Variants in CUX1 observed in about 807,000 individuals in gnomAD.
CUX1 encodes protein CASP.
CUX1 carries 31 observed loss-of-function variants against 158.8 expected under a neutral mutation model. That is an observed-to-expected ratio of 0.20 (90% CI 0.15 to 0.26). The LOEUF (loss-of-function observed/expected upper bound fraction) is 0.26, where lower values mean the gene tolerates loss of function less well. Among genes scored for constraint, CUX1 ranks in the 10% least tolerant of loss-of-function variants. The probability of loss-of-function intolerance (pLI) is 1.00; values close to 1 mark genes in which losing one functional copy is unlikely to be tolerated. For missense variants in CUX1, 1,589 were observed against 2,014.6 expected (o/e 0.79, Z 4.04); for synonymous variants, 879 against 862.1 (o/e 1.02, Z -0.34).
chr7:101,879,974 C>T (rs1201101535), intron 1 of CUX1, among the ~76,000 whole-genome samples: 3 of 152,112 alleles, frequency 2.0e-5, no homozygotes, highest in African/African-American at 4.8e-5. Flanking sequence ...GGGTCTGTGG[C>T]AGAGAAAGGT....
chr7:102,039,032 C>T (rs1463044505), intron 3 of CUX1, among the ~76,000 whole-genome samples: 1 of 152,114 alleles, frequency 6.6e-6, no homozygotes, highest in Non-Finnish European at 1.5e-5. Context: ...GAAAACAACC[C>T]AGCCGGCCAT....
At chr7:102,282,110 G>A (rs1380724970) in intron 21 of CUX1, among the ~76,000 whole-genome samples, 6 of 152,162 alleles carry the variant, frequency 3.9e-5, no homozygotes, top group African/African-American at 1.4e-4. Flanking sequence ...ACCCCATTGG[G>A]ACCTCTGGCC....
intron 4 of CUX1, among the ~76,000 whole-genome samples, chr7:102,089,419 G>C (rs1205987682): frequency 1.3e-5 from 2 of 152,086 alleles, no homozygotes; most frequent in African/African-American, 4.8e-5. Context: ...TTTAAGTTTG[G>C]GCAGGCAGTT....
At chr7:102,013,731 G>A (rs1818292460) in intron 2 of CUX1, among the ~76,000 whole-genome samples, 1 of 151,990 alleles carries the variant, frequency 6.6e-6, no homozygotes, top group South Asian at 2.1e-4. Context: ...TTTGAGAAAG[G>A]GCTTGTTCTG....
chr7:102,281,383 C>T (rs1792049545), intron 20 of CUX1, among the ~76,000 whole-genome samples: 1 of 151,898 alleles, frequency 6.6e-6, no homozygotes, highest in Non-Finnish European at 1.5e-5. Flanking sequence ...ATTCCGGTGG[C>T]CGGGCACAGC....
At chr7:102,199,253 C>T (rs554486838) in intron 16 of CUX1, among the ~76,000 whole-genome samples, 2 of 152,176 alleles carry the variant, frequency 1.3e-5, no homozygotes, top group Non-Finnish European at 2.9e-5. Flanking sequence ...ATTTTTAACT[C>T]GGAAACACAC....
chr7:102,061,871 T>G (rs1298682989), intron 3 of CUX1, among the ~76,000 whole-genome samples: 1 of 152,188 alleles, frequency 6.6e-6, no homozygotes, highest in East Asian at 1.9e-4. Context: ...CTCTTAGAGA[T>G]ATGGCCAACT....
intron 3 of CUX1, among the ~76,000 whole-genome samples, chr7:102,029,989 G>A (rs1278606515): frequency 6.6e-6 from 1 of 151,258 alleles, no homozygotes; most frequent in Non-Finnish European, 1.5e-5. Context: ...AAAATGGAAA[G>A]ATTAGTACAG....
intron 1 of CUX1, among the ~76,000 whole-genome samples, chr7:101,866,498 A>C (rs1194922593): frequency 6.7e-6 from 1 of 149,258 alleles, no homozygotes; most frequent in African/African-American, 2.5e-5. Context: ...CAGTTGTGGT[A>C]GCACTTGCCT....
chr7:102,191,515 CTTA>C (rs1794273225), intron 12 of CUX1, among the ~76,000 whole-genome samples: 1 of 152,122 alleles, frequency 6.6e-6, no homozygotes, highest in Admixed American at 6.6e-5. Context: ...TTACATGTAA[CTTA>C]TTATTAAACA....
Position 101,914,292 on chromosome 7 carries a change from CGTT to C in CUX1, c.31-1816_31-1814del, listed in dbSNP as rs764652288. Among the ~76,000 whole-genome samples, 17 of 151,720 alleles carry C rather than the reference CGTT, an allele frequency of 1.1e-4. No homozygotes were observed. The East Asian group carries it at 3.1e-3, about 28-fold the overall frequency. ...ATTGCCTGGTTTGTTGTTTTATTGTCGTTGTTGTTTTTTTTTCTTTCCTCCCCT... is the reference window on the plus strand; with the variant it reads ...ATTGCCTGGTTTGTTGTTTTATTGTCGTTGTTTTTTTTTCTTTCCTCCCCT... On this transcript the variant is annotated intron_variant, in intron 1 of 23. Coordinates refer to ENST00000292535, the MANE Select transcript of CUX1 (RefSeq NM_181552.4).
intron 1 of CUX1, among the ~76,000 whole-genome samples, chr7:101,851,595 T>G (rs1429028859): frequency 6.6e-6 from 1 of 152,234 alleles, no homozygotes; most frequent in Non-Finnish European, 1.5e-5. Context: ...TGGGAAAGAT[T>G]TGGCTCCCCG....
chr7:102,016,959 G>C (rs566568016), intron 2 of CUX1, among the ~76,000 whole-genome samples: 20 of 152,166 alleles, frequency 1.3e-4, no homozygotes, highest in Admixed American at 2.0e-4. Flanking sequence ...TGGTGCCTTT[G>C]GGGTCCATCC....
At chr7:101,978,244 G>A (rs778100934) in intron 2 of CUX1, among the ~76,000 whole-genome samples, 8 of 152,048 alleles carry the variant, frequency 5.3e-5, no homozygotes, top group African/African-American at 9.7e-5. Context: ...AGACATCTCC[G>A]GCTTCACATG....
intron 2 of CUX1, among the ~76,000 whole-genome samples, chr7:102,011,581 G>C (rs918778255): frequency 6.6e-6 from 1 of 151,496 alleles, no homozygotes; most frequent in African/African-American, 2.4e-5. Context: ...GGGTTTCACC[G>C]TGTTGGCCAG....
downstream of CUX1, among the ~76,000 whole-genome samples, chr7:102,259,536 C>T (rs548365190): frequency 4.6e-5 from 7 of 152,032 alleles, no homozygotes; most frequent in Middle Eastern, 3.4e-3. Context: ...TACGGTGAGC[C>T]GAGATTGTGC....
chr7:102,257,234 G>A lies in CUX1; in HGVS notation c.*8192G>A, dbSNP rs781970723. 5.7e-5 allele frequency: 56 copies of A among 985,164 alleles called. 1 individual carries two copies. The Middle Eastern group carries it at 2.1e-3, about 37-fold the overall frequency. 61.0% of individuals were successfully genotyped at this position (985,164 alleles called of 1,614,324 possible). On this transcript the variant is annotated 3_prime_UTR_variant, in exon 24 of 24. Transcript: ENST00000292535. ...TCACCTCCCCTTCTCCAAGATTGCC[G>A]GGGGCCCTGATTTTGTTCTCTCTTT...
intron 8 of CUX1, among the ~76,000 whole-genome samples, chr7:102,155,459 C>T (rs528360968): frequency 1.3e-5 from 2 of 151,564 alleles, no homozygotes; most frequent in South Asian, 2.1e-4. Flanking sequence ...AGCGGGAGGA[C>T]TGCTTGAGCC....
At chr7:102,172,041 A>G (rs1554510572) in intron 10 of CUX1, among the ~76,000 whole-genome samples, 2 of 152,190 alleles carry the variant, frequency 1.3e-5, no homozygotes, top group African/African-American at 4.8e-5. Flanking sequence ...TAATAAATTC[A>G]ATCATTGACA....
Sources: gnomAD v4.1 joint callset for allele counts (sites outside exome capture counted in the v4.1 genomes callset) on GRCh38, gnomAD v4.1.1 for gene constraint, MANE v1.5 for transcripts, NCBI Gene and HGNC (gene_info 2026-07-23, HGNC 2026-07-21) for gene names.